The following THSD7B variants were observed in gnomAD, a reference collection of about 807,000 sequenced individuals.
THSD7B encodes thrombospondin type-1 domain-containing protein 7B.
THSD7B carries 138 observed loss-of-function variants against 213.6 expected under a neutral mutation model. That is an observed-to-expected ratio of 0.65 (90% CI 0.56 to 0.74). The LOEUF is 0.74. Ranked by LOEUF, THSD7B falls within the 30% of genes least tolerant of loss-of-function variation. The probability of loss-of-function intolerance (pLI) is 0.00; values close to 1 mark genes in which losing one functional copy is unlikely to be tolerated. For missense variants in THSD7B, 1,931 were observed against 1,991.5 expected (o/e 0.97, Z 0.58); for synonymous variants, 742 against 687.0 (o/e 1.08, Z -1.25).
chr2:136,930,974 C>G (rs1684618453), intron 2 of THSD7B, among the ~76,000 whole-genome samples: 1 of 152,164 alleles, frequency 6.6e-6, no homozygotes, highest in African/African-American at 2.4e-5. Context: ...CTATTTATCT[C>G]AGTCTGGGCC....
At chr2:137,575,582 G>A (rs1681441263) in intron 17 of THSD7B, among the ~76,000 whole-genome samples, 2 of 151,772 alleles carry the variant, frequency 1.3e-5, no homozygotes, top group Admixed American at 1.3e-4. Flanking sequence ...ATTGTACTGG[G>A]ACCATTTTTT....
In THSD7B at chr2:137,231,161, C is replaced by T. The variant is rs1314301578; in HGVS notation, c.1841C>T (p.Ser614Phe). The T allele has an allele frequency of 1.9e-6, 3 of 1,613,510 alleles. No individual in the cohort carries two copies. Among genetic ancestry groups the T allele is most frequent in the Admixed American group, 1.7e-5 (1 of 59,912 alleles). The change falls in exon 8 of 28, where the codon TCC (serine) becomes TTC (phenylalanine). Residue 614 changes from serine to phenylalanine, a missense_variant. Ser to Phe is a radical substitution (Grantham distance 155, BLOSUM62 -2). Transcript: ENST00000409968. ...LSEWTEWSSCSQSCSNKNSDG... is the reference protein window; with the variant it reads ...LSEWTEWSSCFQSCSNKNSDG... ...GAGTGGACGGAGTGGTCATCCTGTTCCCAGTCCTGTTCAAATAAAAACTCA... is the reference window on the plus strand; with the variant it reads ...GAGTGGACGGAGTGGTCATCCTGTTTCCAGTCCTGTTCAAATAAAAACTCA...
chr2:136,770,094 G>A (rs911478407), intron 1 of THSD7B, among the ~76,000 whole-genome samples: 4 of 152,292 alleles, frequency 2.6e-5, no homozygotes, highest in African/African-American at 4.8e-5. Flanking sequence ...TTATGTTAGC[G>A]AACAGCTCAT....
At chr2:137,454,083 C>T (rs558436251) in intron 15 of THSD7B, among the ~76,000 whole-genome samples, 2 of 152,244 alleles carry the variant, frequency 1.3e-5, no homozygotes, top group Admixed American at 6.5e-5. Context: ...GGAGTGCAGA[C>T]ATCTCTTCAA....
chr2:137,439,938 A>G (rs983119580), intron 14 of THSD7B, among the ~76,000 whole-genome samples: 1 of 152,144 alleles, frequency 6.6e-6, no homozygotes, highest in Non-Finnish European at 1.5e-5. Flanking sequence ...TACTGTGCAG[A>G]CATTTTATTA....
intron 2 of THSD7B, among the ~76,000 whole-genome samples, chr2:136,888,232 C>A (rs189614697): frequency 1.3e-4 from 20 of 151,886 alleles, no homozygotes; most frequent in Admixed American, 1.1e-3. Context: ...AGCTCATGCT[C>A]AATGAATAAA....
intron 17 of THSD7B, among the ~76,000 whole-genome samples, chr2:137,584,155 A>G (rs540188651): frequency 6.6e-6 from 1 of 151,976 alleles, no homozygotes; most frequent in East Asian, 1.9e-4. Flanking sequence ...TTATTGCTGT[A>G]TAGGAATGCT....
At chr2:136,808,190 G>T (rs1189071735) in intron 1 of THSD7B, among the ~76,000 whole-genome samples, 1 of 152,192 alleles carries the variant, frequency 6.6e-6, no homozygotes, top group African/African-American at 2.4e-5. Context: ...GCACCTCCAT[G>T]AGGAACAACT....
chr2:136,803,364 T>C (rs575302173), intron 1 of THSD7B, among the ~76,000 whole-genome samples: 1 of 152,238 alleles, frequency 6.6e-6, no homozygotes, highest in South Asian at 2.1e-4. Flanking sequence ...AAGCATATTA[T>C]GATTGGTTGC....
At chr2:137,076,120 GA>G (rs1296963302) in intron 3 of THSD7B, among the ~76,000 whole-genome samples, 3 of 152,170 alleles carry the variant, frequency 2.0e-5, no homozygotes, top group African/African-American at 7.2e-5. Context: ...AGCTGTCAGA[GA>G]GGGACATTTA....
At chr2:137,045,570 C>A (rs1686955165) in intron 2 of THSD7B, among the ~76,000 whole-genome samples, 1 of 152,170 alleles carries the variant, frequency 6.6e-6, no homozygotes, top group Admixed American at 6.5e-5. Flanking sequence ...TAACTAAAAC[C>A]ACAAAAAGTG....
intron 3 of THSD7B, among the ~76,000 whole-genome samples, chr2:137,094,611 G>A (rs543473260): frequency 9.2e-5 from 14 of 151,494 alleles, no homozygotes; most frequent in Admixed American, 3.3e-4. Context: ...CTAATAATAC[G>A]GATAATACTG....
chr2:136,813,877 C>T (rs947095782), intron 1 of THSD7B, among the ~76,000 whole-genome samples: 54 of 152,194 alleles, frequency 3.5e-4, no homozygotes, highest in Non-Finnish European at 5.9e-4. Flanking sequence ...TCCTTTTATT[C>T]TCATAAGAGT....
intron 7 of THSD7B, among the ~76,000 whole-genome samples, chr2:137,228,871 T>G (rs1405054045): frequency 6.6e-6 from 1 of 152,208 alleles, no homozygotes; most frequent in South Asian, 2.1e-4. Flanking sequence ...TTTTATCCCA[T>G]CATATGCCTT....
intron 2 of THSD7B, among the ~76,000 whole-genome samples, chr2:136,923,858 T>G (rs1056258408): frequency 1.3e-5 from 2 of 152,204 alleles, no homozygotes; most frequent in African/African-American, 4.8e-5. Context: ...TACTAACTCC[T>G]TATCAGATAT....
intron 26 of THSD7B, among the ~76,000 whole-genome samples, chr2:137,664,879 A>T (rs779716102): frequency 9.2e-5 from 14 of 151,874 alleles, no homozygotes; most frequent in Non-Finnish European, 1.8e-4. Flanking sequence ...GGGCATGGGA[A>T]GGGAAAACAC....
At chr2:136,910,711 C>T (rs560071434) in intron 2 of THSD7B, among the ~76,000 whole-genome samples, 1 of 151,928 alleles carries the variant, frequency 6.6e-6, no homozygotes, top group Non-Finnish European at 1.5e-5. Context: ...GTTTGAATGC[C>T]GGTTTTGCTA....
intron 14 of THSD7B, among the ~76,000 whole-genome samples, chr2:137,448,265 G>C (rs1207668061): frequency 6.6e-6 from 1 of 152,204 alleles, no homozygotes; most frequent in Non-Finnish European, 1.5e-5. Context: ...AACTAAGTCT[G>C]AAGTTTTTCC....
At chr2:136,984,240 G>A (rs1685633507) in intron 2 of THSD7B, among the ~76,000 whole-genome samples, 1 of 152,138 alleles carries the variant, frequency 6.6e-6, no homozygotes, top group African/African-American at 2.4e-5. Context: ...CAGGTTTGTT[G>A]ATATGGTCTG....
Sources: gnomAD v4.1 joint callset for allele counts (sites outside exome capture counted in the v4.1 genomes callset) on GRCh38, gnomAD v4.1.1 for gene constraint, MANE v1.5 for transcripts, NCBI Gene and HGNC (gene_info 2026-07-23, HGNC 2026-07-21) for gene names.